Variants in DNM2 observed in about 807,000 individuals in gnomAD.
DNM2 encodes the protein dynamin 2.
A neutral mutation model predicts 99.0 loss-of-function variants in DNM2; 15 were observed. The ratio of observed to expected loss-of-function variants is 0.15; its 90% CI spans 0.10 to 0.23. DNM2 has a LOEUF of 0.23. Among genes scored for constraint, DNM2 ranks in the 10% least tolerant of loss-of-function variants. DNM2 has a pLI of 1.00. For synonymous variants in DNM2, 525 were observed against 481.2 expected, an observed-to-expected ratio of 1.09 and a Z score of -1.19; for missense variants, 742 against 1,189.4, an observed-to-expected ratio of 0.62 and a Z score of 5.53.
rs1313806747 is a variant in DNM2, at chr19:10,779,474, TTTTCTTTC to T, written c.688+2282_688+2289del. Reference sequence around the variant, plus strand: ...GGTTCACTCTTGCTGTTATAAGTTTTTTTCTTTCTTTCTTTCTTTCTTTCTTTCTTTTT... The same window carrying T: ...GGTTCACTCTTGCTGTTATAAGTTTTTTTCTTTCTTTCTTTCTTTCTTTTT... On this transcript the variant is annotated intron_variant, in intron 5 of 20. Transcript: ENST00000389253. Among the ~76,000 whole-genome samples the T allele has an allele frequency of 8.7e-4, 106 of 122,426 alleles. 1 individual carries two copies. In the South Asian group the frequency reaches 0.015, roughly 17 times the overall value. 80.3% of individuals were successfully genotyped at this position (122,426 alleles called of 152,430 possible). A position where few individuals can be genotyped will look rare whatever the true frequency, so the allele number is the denominator to read the frequency against.
rs753831966 is a variant in DNM2, at chr19:10,777,175, C to A, written c.647C>A (p.Ala216Asp). Residue 216 changes from alanine to aspartate, a missense_variant, in exon 5 of 21, where the codon GCC (alanine) becomes GAC (aspartate). Ala to Asp is a moderately radical substitution (Grantham distance 126, BLOSUM62 -2). Transcript: ENST00000389253. ...GACCTGATGGACGAGGGCACCGACG[C>A]CAGGGACGTCTTGGAGAACAAGTTG... ...KLDLMDEGTD[A>D]RDVLENKLLP... is the part of the protein sequence containing the mutation. 1.2e-6 allele frequency: 2 copies of A among 1,614,212 alleles called. No individual in the cohort carries two copies. The highest frequency in any genetic ancestry group is 2.7e-5 in the African/African-American group (2 of 75,048).
chr19:10,819,194 T>G (rs1013233952), intron 15 of DNM2, among the ~76,000 whole-genome samples: 1 of 152,164 alleles, frequency 6.6e-6, no homozygotes, highest in East Asian at 1.9e-4. Context: ...GGAGGCTCGC[T>G]TGAACCCAGG....
In DNM2 at chr19:10,783,701, TATTA is replaced by T. The variant is rs1568298595; in HGVS notation, c.849+582_849+585del. On this transcript the variant is annotated intron_variant, in intron 6 of 20. Coordinates refer to ENST00000389253, the MANE Select transcript of DNM2 (RefSeq NM_001005361.3). Reference sequence around the variant, plus strand: ...TTATTATTATTATTATTATTATTATTATTATTTTTTATTTTTGGAGACACAGTCT... The same window carrying T: ...TTATTATTATTATTATTATTATTATTTTTTTTATTTTTGGAGACACAGTCT... Among the ~76,000 whole-genome samples the T allele has an allele frequency of 5.2e-3, 740 of 142,146 alleles. 14 individuals carry two copies. The highest frequency in any genetic ancestry group is 0.016 in the African/African-American group (610 of 37,476). 93.3% of individuals were successfully genotyped at this position (142,146 alleles called of 152,430 possible).
Position 10,798,567 on chromosome 19 carries a change from G to T in DNM2, c.1417G>T (p.Asp473Tyr). 6.2e-7 allele frequency: 1 copy of T among 1,614,202 alleles called. No individual in the cohort carries two copies. Residue 473 changes from aspartate to tyrosine, a missense_variant, in exon 11 of 21, where the codon GAC (aspartate) becomes TAC (tyrosine). Asp to Tyr is a radical substitution (Grantham distance 160, BLOSUM62 -3). Around this residue, in one of 7 missense-constraint regions of DNM2, gnomAD observed 240 missense variants for 431.3 expected, o/e 0.56. Coordinates refer to ENST00000389253, the MANE Select transcript of DNM2 (RefSeq NM_001005361.3). ...CCGGGAACGGGAGGGGAGAACGAAG[G>T]ACCAGGTACTGGCCTTTTGTCTTCT... ...YIREREGRTK[D>Y]QILLLIDIEQ...
intron 7 of DNM2, among the ~76,000 whole-genome samples, chr19:10,787,080 TC>T (rs201764729): frequency 0.013 from 2,029 of 152,106 alleles, 26 homozygotes; most frequent in South Asian, 0.02. Context: ...ACGTCTGTAA[TC>T]CCAGCACTTT....
chr19:10,751,360 G>C lies in DNM2; in HGVS notation c.162-8378G>C, dbSNP rs111771084. Among the ~76,000 whole-genome samples the C allele has an allele frequency of 1.2e-3, 182 of 152,266 alleles. 3 individuals carry two copies. The highest frequency in any genetic ancestry group is 4.3e-3 in the African/African-American group (177 of 41,568). ...CTGTAGCAGCAGCAAAGGGAGAGGAGAGGAGTAGGTAGATTTCAGTACTCT... is the reference window on the plus strand; with the variant it reads ...CTGTAGCAGCAGCAAAGGGAGAGGACAGGAGTAGGTAGATTTCAGTACTCT... On this transcript the variant is annotated intron_variant, in intron 1 of 20. Coordinates refer to ENST00000389253, the MANE Select transcript of DNM2 (RefSeq NM_001005361.3).
chr19:10,734,739 G>C (rs535464864), intron 1 of DNM2, among the ~76,000 whole-genome samples: 1 of 145,836 alleles, frequency 6.9e-6, no homozygotes, highest in South Asian at 2.2e-4. Flanking sequence ...TTTTTTTATC[G>C]AGATGGGGGT....
intron 18 of DNM2, among the ~76,000 whole-genome samples, chr19:10,827,521 A>G (rs1291198035): frequency 6.6e-6 from 1 of 152,038 alleles, no homozygotes; most frequent in Non-Finnish European, 1.5e-5. Flanking sequence ...GTGAGCAAAG[A>G]TCGCTCCACT....
intron 1 of DNM2, among the ~76,000 whole-genome samples, chr19:10,737,634 C>T (rs1447623984): frequency 1.3e-5 from 2 of 152,086 alleles, no homozygotes; most frequent in East Asian, 1.9e-4. Flanking sequence ...TACAGGCGCA[C>T]GTCAACATGC....
At chr19:10,774,479 T>G (rs1170470063) in intron 3 of DNM2, among the ~76,000 whole-genome samples, 1 of 152,174 alleles carries the variant, frequency 6.6e-6, no homozygotes, top group Non-Finnish European at 1.5e-5. Flanking sequence ...CAGGCTGGAG[T>G]GCAATGGTGC....
At position 10,820,396 on chromosome 19, in the gene DNM2, G is replaced by A. The variant is rs920155484; in HGVS notation, c.1781+307G>A. 2.0e-5 allele frequency among the ~76,000 whole-genome samples: 3 copies of A among 152,236 alleles called. No homozygotes were observed. Reference sequence around the variant, plus strand: ...AGGTGCTTGCAGGAGCCCTCTGGTGGCTGAGAGGGAAACAGTATGAGAGGG... The same window carrying A: ...AGGTGCTTGCAGGAGCCCTCTGGTGACTGAGAGGGAAACAGTATGAGAGGG... On this transcript the variant is annotated intron_variant, in intron 16 of 20. Coordinates refer to ENST00000389253, the MANE Select transcript of DNM2 (RefSeq NM_001005361.3). The surrounding 1 kb of genome is among the most constrained non-coding windows in gnomAD (Gnocchi z 4.3).
intron 1 of DNM2, among the ~76,000 whole-genome samples, chr19:10,726,873 A>G (rs1362045688): frequency 6.6e-6 from 1 of 152,148 alleles, no homozygotes; most frequent in African/African-American, 2.4e-5. Flanking sequence ...AAAACAAACA[A>G]ACAAACAAAA....
At chr19:10,735,535 G>A (rs1290079476) in intron 1 of DNM2, among the ~76,000 whole-genome samples, 1 of 151,420 alleles carries the variant, frequency 6.6e-6, no homozygotes, top group Non-Finnish European at 1.5e-5. Flanking sequence ...TTTTATTTTT[G>A]GAGAGTCTCG....
chr19:10,780,730 C>G (rs2071339918), intron 5 of DNM2, among the ~76,000 whole-genome samples: 1 of 152,062 alleles, frequency 6.6e-6, no homozygotes, highest in African/African-American at 2.4e-5. Flanking sequence ...GAGTTTGAGA[C>G]CAGCCTGAGC....
chr19:10,750,099 A>C (rs1443699696), intron 1 of DNM2, among the ~76,000 whole-genome samples: 1 of 152,104 alleles, frequency 6.6e-6, no homozygotes, highest in Non-Finnish European at 1.5e-5. Flanking sequence ...TCATTTTAGA[A>C]AGGTCACTGG....
intron 12 of DNM2, 122 bp from the exon 13 acceptor site, chr19:10,805,794 T>G: frequency 8.0e-7 from 1 of 1,243,296 alleles, no homozygotes; most frequent in South Asian, 1.2e-5. Context: ...AGGGGGCTTC[T>G]CTCTGCCTCT....
intron 1 of DNM2, among the ~76,000 whole-genome samples, chr19:10,725,733 C>T (rs923789301): frequency 6.6e-6 from 1 of 152,050 alleles, no homozygotes; most frequent in Non-Finnish European, 1.5e-5. Flanking sequence ...GCTTTTGTCT[C>T]CTTTTATCTG....
intron 16 of DNM2, among the ~76,000 whole-genome samples, chr19:10,822,435 C>G (rs2073005706): frequency 6.6e-6 from 1 of 151,990 alleles, no homozygotes; most frequent in African/African-American, 2.4e-5. Flanking sequence ...AAGCAATCCC[C>G]CTGTCTCAGC....
In DNM2 at chr19:10,795,471, C is replaced by T. The variant is rs767179250; in HGVS notation, c.1196+32C>T. ...TCCACGAGGAGAGTCACCACTGTTC[C>T]TTCCTCTCCGTGGTGCGACCCCCCA... On this transcript the variant is annotated intron_variant, in intron 9 of 20. Coordinates refer to ENST00000389253, the MANE Select transcript of DNM2 (RefSeq NM_001005361.3). This position sits in a 1 kb window ranked among gnomAD's most constrained non-coding sequence, Gnocchi z 4.2. 1.2e-6 allele frequency: 2 copies of T among 1,612,958 alleles called. No homozygotes were observed. Among genetic ancestry groups the T allele is most frequent in the Non-Finnish European group, 1.7e-6 (2 of 1,179,164 alleles).
Sources: allele counts gnomAD v4.1 joint callset (sites outside exome capture counted in the v4.1 genomes callset), GRCh38; gene constraint gnomAD v4.1.1; regional missense constraint gnomAD v4.1.1; non-coding constraint Gnocchi (gnomAD v3.1); transcripts MANE v1.5; gene names NCBI Gene and HGNC (gene_info 2026-07-23, HGNC 2026-07-21).